Variants in FKBP11 observed in about 807,000 individuals in gnomAD.
FKBP11 encodes peptidyl-prolyl cis-trans isomerase FKBP11.
FKBP11 carries 21 observed loss-of-function variants against 24.7 expected under a neutral mutation model. The observed-to-expected ratio is 0.85, with a 90% CI of 0.60 to 1.23. The LOEUF is 1.23. Ranked by LOEUF, FKBP11 falls within the 50% of genes most tolerant of loss-of-function variation. The pLI is 0.00. For synonymous variants in FKBP11, 106 were observed against 100.6 expected (o/e 1.05, Z -0.32); for missense variants, 245 against 248.7 (o/e 0.99, Z 0.10).
At chr12:48,938,144 C>G in the FKBP11 span, 3 of 330,570 alleles carry the variant, frequency 9.1e-6, no homozygotes, top group African/African-American at 6.5e-5. Flanking sequence ...AGAGTGGCAT[C>G]TCCTTGGGAA....
In FKBP11 at chr12:48,923,522, G is replaced by A. The variant is rs762926151; in HGVS notation, c.388+260C>T. On this transcript the variant is annotated intron_variant, in intron 5 of 5. Coordinates refer to ENST00000550765, the MANE Select transcript of FKBP11 (RefSeq NM_016594.3). ...GTGGTGGCACAGGCAGCAGACCCAT[G>A]TGGCCCAAGCAGGTCTCTTCCCTAA... is the stretch of plus-strand genomic sequence containing the variant. 2.8e-4 allele frequency: 433 copies of A among 1,551,136 alleles called. 1 individual carries two copies. The highest frequency in any genetic ancestry group is 3.7e-4 in the Non-Finnish European group (422 of 1,146,992).
intron 3 of FKBP11, 66 bp downstream of exon 3, chr12:48,924,495 G>C: frequency 1.4e-6 from 2 of 1,465,384 alleles, no homozygotes; most frequent in Non-Finnish European, 1.9e-6. Flanking sequence ...GGCAGCTTTG[G>C]AGCCGAAGAG....
At chr12:48,929,482 T>G (rs1940021317), upstream of FKBP11, among the ~76,000 whole-genome samples, 1 of 152,076 alleles carries the variant, frequency 6.6e-6, no homozygotes, top group Admixed American at 6.6e-5. Context: ...CTCTCCCTAC[T>G]TTGGACCACT....
Position 48,922,218 on chromosome 12 carries a change from G to T in FKBP11, c.389-17C>A, listed in dbSNP as rs1056255580. On this transcript the variant is annotated splice_polypyrimidine_tract_variant and intron_variant, in intron 5 of 5. Coordinates refer to ENST00000550765, the MANE Select transcript of FKBP11 (RefSeq NM_016594.3). ...CTGCATCCGCTGGAGAGGCAGAGGG[G>T]TGGAGAGGGTTAGACTCTCTGCATT... 1 of 1,604,984 alleles carries T rather than the reference G, an allele frequency of 6.2e-7. No individual in the cohort carries two copies. Among genetic ancestry groups the T allele is most frequent in the African/African-American group, 1.3e-5 (1 of 74,904 alleles).
chr12:48,923,688 G>A, intron 5 of FKBP11, 94 bp downstream of exon 5: 1 of 1,587,268 alleles, frequency 6.3e-7, no homozygotes, highest in Non-Finnish European at 8.7e-7. Context: ...ACTTGGTCTG[G>A]ATCTTCTCAA....
chr12:48,925,745 T>A, upstream of FKBP11: 1 of 372,504 alleles, frequency 2.7e-6, no homozygotes, highest in Non-Finnish European at 5.0e-6. Context: ...CAGGAGCTAG[T>A]CTCTAATCCT....
upstream of FKBP11, among the ~76,000 whole-genome samples, chr12:48,930,386 A>G (rs1940032636): frequency 6.6e-6 from 1 of 152,232 alleles, no homozygotes; most frequent in Admixed American, 6.5e-5. Context: ...GGGAGAGAGA[A>G]GAGTAAGGGC....
At chr12:48,925,775 C>T (rs994727387), upstream of FKBP11, 1 of 288,208 alleles carries the variant, frequency 3.5e-6, no homozygotes, top group South Asian at 6.2e-5. Context: ...CCTGAAAGGT[C>T]GGCATGATTG....
chr12:48,933,053 CACAA>C, the FKBP11 span, among the ~76,000 whole-genome samples: 2 of 152,200 alleles, frequency 1.3e-5, no homozygotes, highest in African/African-American at 2.4e-5. Context: ...ACATGACACA[CACAA>C]ACAGACACTC....
intron 3 of FKBP11, 63 bp downstream of exon 3, chr12:48,924,498 C>G: frequency 6.7e-7 from 1 of 1,484,844 alleles, no homozygotes; most frequent in African/African-American, 1.4e-5. Flanking sequence ...AGCTTTGGAG[C>G]CGAAGAGGCT....
chr12:48,924,225 C>T lies in FKBP11; in HGVS notation c.315G>A (p.Val105=). 6.2e-7 allele frequency: 1 copy of T among 1,614,188 alleles called. No homozygotes were observed. The highest frequency in any genetic ancestry group is 8.5e-7 in the Non-Finnish European group (1 of 1,180,028). Residue 105 remains valine (V), a splice_region_variant and synonymous_variant, in exon 4 of 6, where the codon GTG becomes GTA. Coordinates refer to ENST00000550765, the MANE Select transcript of FKBP11 (RefSeq NM_016594.3). ...GLEQSLLDMC[V]GEKRRAIIPS... ...CCCACCCCTGCCGAGATACTCACCC[C>T]ACACACATGTCGAGAAGACTCTGCT...
rs1259225231 is a variant in FKBP11, at chr12:48,924,476, G to A, written c.283+85C>T. Reference sequence around the variant, plus strand: ...CTAGGGTCTTACTCATTTCAGGGGGGATTTCCAGGGCAGCTTTGGAGCCGA... The same window carrying A: ...CTAGGGTCTTACTCATTTCAGGGGGAATTTCCAGGGCAGCTTTGGAGCCGA... On this transcript the variant is annotated intron_variant, in intron 3 of 5. Coordinates refer to ENST00000550765, the MANE Select transcript of FKBP11 (RefSeq NM_016594.3). The A allele has an allele frequency of 2.2e-6, 3 of 1,341,824 alleles. 1 individual carries two copies. The highest frequency in any genetic ancestry group is 1.7e-5 in the Admixed American group (1 of 58,414). 83.1% of individuals were successfully genotyped at this position (1,341,824 alleles called of 1,614,324 possible).
chr12:48,926,675 TAA>T (rs1939974298), upstream of FKBP11, among the ~76,000 whole-genome samples: 1 of 151,234 alleles, frequency 6.6e-6, no homozygotes, highest in South Asian at 2.1e-4. Context: ...GAATTTTTAG[TAA>T]AGACAGGGTT....
upstream of FKBP11, among the ~76,000 whole-genome samples, chr12:48,927,403 A>G (rs937926366): frequency 1.3e-5 from 2 of 152,168 alleles, no homozygotes; most frequent in Non-Finnish European, 2.9e-5. Context: ...GAAATGCTCT[A>G]TATTTTCAGA....
the FKBP11 span, among the ~76,000 whole-genome samples, chr12:48,932,262 T>TATATATATATATA: frequency 5.1e-4 from 14 of 27,442 alleles, 1 homozygote; most frequent in East Asian, 1.3e-3. Context: ...TATATATATA[T>TATATATATATATA]TTTTTTTTTT....
chr12:48,928,242 G>A (rs748482574), upstream of FKBP11, among the ~76,000 whole-genome samples: 5 of 150,832 alleles, frequency 3.3e-5, no homozygotes, highest in African/African-American at 7.3e-5. Flanking sequence ...ATGGGGTTTC[G>A]CCATATTGCC....
the FKBP11 span, among the ~76,000 whole-genome samples, chr12:48,935,050 A>T: frequency 6.6e-6 from 1 of 151,342 alleles, no homozygotes; most frequent in Non-Finnish European, 1.5e-5. Context: ...GAAGAAGAAG[A>T]AAGAAAACAC....
chr12:48,922,470 T>G (rs974986296), intron 5 of FKBP11: 1 of 921,866 alleles, frequency 1.1e-6, no homozygotes, highest in South Asian at 3.7e-5. Flanking sequence ...GAATATGAAA[T>G]GTACAGGCTC....
At chr12:48,931,712 T>C in the FKBP11 span, 1 of 496,984 alleles carries the variant, frequency 2.0e-6, no homozygotes, top group African/African-American at 2.0e-5. Context: ...TATTAATTCA[T>C]CCATTTGTTC....
Sources: allele counts gnomAD v4.1 joint callset (sites outside exome capture counted in the v4.1 genomes callset), GRCh38; gene constraint gnomAD v4.1.1; transcripts MANE v1.5; gene names NCBI Gene and HGNC (gene_info 2026-07-23, HGNC 2026-07-21).